ULK2: variants seen among roughly 807,000 people sequenced by gnomAD.
ULK2 encodes unc-51 like autophagy activating kinase 2, also known as serine/threonine-protein kinase ULK2.
In ULK2, 76 loss-of-function variants were observed where a neutral mutation model predicts 127.5. The observed-to-expected ratio is 0.60, with a 90% CI of 0.50 to 0.72. ULK2 has a LOEUF of 0.72. Among genes scored for constraint, ULK2 ranks in the 30% least tolerant of loss-of-function variants. The pLI, the probability that ULK2 is intolerant of heterozygous loss-of-function variation, is 0.00. For missense variants in ULK2, 1,144 were observed against 1,295.9 expected, an observed-to-expected ratio of 0.88 and a Z score of 1.80; for synonymous variants, 452 against 461.9, an observed-to-expected ratio of 0.98 and a Z score of 0.28.
chr17:19,777,232 G>C (rs897306245), intron 26 of ULK2, among the ~76,000 whole-genome samples: 3 of 152,198 alleles, frequency 2.0e-5, no homozygotes, highest in African/African-American at 7.2e-5. Flanking sequence ...AGCCTCCCGA[G>C]CAGTGGAGCT....
intron 26 of ULK2, 68 bp from the exon 27 acceptor site, chr17:19,776,475 C>A: frequency 7.3e-7 from 1 of 1,368,176 alleles, no homozygotes; most frequent in Non-Finnish European, 1.0e-6. Flanking sequence ...TCTATTCTAT[C>A]TTTGCCCCAA....
chr17:19,829,555 G>GGGGT (rs1555561155), intron 10 of ULK2, among the ~76,000 whole-genome samples: 1 of 134,704 alleles, frequency 7.4e-6, no homozygotes, highest in Non-Finnish European at 1.6e-5. Flanking sequence ...AAAAGGGGGG[G>GGGGT]GGCTGGGCAC....
chr17:19,803,895 C>T (rs1452784549), intron 15 of ULK2, among the ~76,000 whole-genome samples: 1 of 152,176 alleles, frequency 6.6e-6, no homozygotes. Context: ...GCTATTTCCT[C>T]CCTCCACTCT....
intron 13 of ULK2, among the ~76,000 whole-genome samples, chr17:19,812,829 A>T (rs1296465498): frequency 6.6e-6 from 1 of 152,194 alleles, no homozygotes; most frequent in Non-Finnish European, 1.5e-5. Flanking sequence ...GTATTTTTTT[A>T]TATAGAATTC....
intron 3 of ULK2, among the ~76,000 whole-genome samples, chr17:19,853,655 T>A (rs989112666): frequency 2.0e-5 from 3 of 151,246 alleles, no homozygotes; most frequent in Admixed American, 6.6e-5. Flanking sequence ...CACTGCAACC[T>A]CCACCTCCCG....
chr17:19,784,852 G>C (rs556884982), intron 21 of ULK2, among the ~76,000 whole-genome samples: 6 of 151,820 alleles, frequency 4.0e-5, no homozygotes, highest in South Asian at 4.2e-4. Flanking sequence ...TTAAGATATA[G>C]GTATAGTTAA....
In ULK2 at chr17:19,774,910, C is replaced by T. The variant is rs921923284; in HGVS notation, c.*1439G>A. The T allele has an allele frequency of 4.6e-5, 7 of 152,554 alleles. No individual in the cohort carries two copies. The highest frequency in any genetic ancestry group is 1.7e-4 in the African/African-American group (7 of 41,420). 9.5% of individuals were successfully genotyped at this position (152,554 alleles called of 1,614,324 possible). ...ATTAAAGACCTAAAAATACAAACGT[C>T]ATATAAATAAATGTTCAAATTAACT... On this transcript the variant is annotated 3_prime_UTR_variant, in exon 27 of 27. Transcript: ENST00000395544.
chr17:19,840,216 C>T (rs762937172), intron 9 of ULK2: 3 of 501,772 alleles, frequency 6.0e-6, no homozygotes, highest in African/African-American at 2.0e-5. Flanking sequence ...GGACACCCGA[C>T]GGGCGCAAGT....
chr17:19,803,432 T>C (rs1025871854), intron 15 of ULK2, among the ~76,000 whole-genome samples: 1 of 152,222 alleles, frequency 6.6e-6, no homozygotes, highest in East Asian at 1.9e-4. Flanking sequence ...AAGGTACCAA[T>C]AGCTTTATCC....
At position 19,845,080 on chromosome 17, in the gene ULK2, TA is replaced by T. The variant is rs2041848413; in HGVS notation, c.543+223del. On this transcript the variant is annotated intron_variant, in intron 7 of 26. Coordinates refer to ENST00000395544, the MANE Select transcript of ULK2 (RefSeq NM_014683.4). ...GATTTGTCTCATAACTAATCTTTTT[TA>T]AAAAATAAAAACAAATGGGCAAAAA... Among the ~76,000 whole-genome samples, 3 of 152,202 alleles carry T rather than the reference TA, an allele frequency of 2.0e-5. No homozygotes were observed. The South Asian group carries it at 6.2e-4, about 31-fold the overall frequency.
At chr17:19,783,517 T>C (rs2086963394) in intron 22 of ULK2, among the ~76,000 whole-genome samples, 180 bp downstream of exon 22, 1 of 152,208 alleles carries the variant, frequency 6.6e-6, no homozygotes, top group African/African-American at 2.4e-5. Flanking sequence ...AAGCTTATTA[T>C]GGATGAGTGT....
intron 11 of ULK2, 27 bp from the exon 12 acceptor site, chr17:19,825,209 C>T (rs961634663): frequency 5.0e-6 from 8 of 1,599,856 alleles, no homozygotes; most frequent in Non-Finnish European, 6.9e-6. Flanking sequence ...AAATGAACTA[C>T]ATCATTTTGT....
At chr17:19,809,733 A>G (rs191810537) in intron 14 of ULK2, among the ~76,000 whole-genome samples, 252 of 4,330 alleles carry the variant, frequency 0.058, 2 homozygotes, top group Non-Finnish European at 0.079. Flanking sequence ...ACTCCGTCTC[A>G]AAAAAAAAAA....
At chr17:19,838,718 T>A in intron 9 of ULK2, 135 bp from the exon 10 acceptor site, 1 of 701,126 alleles carries the variant, frequency 1.4e-6, no homozygotes, top group Non-Finnish European at 2.3e-6. Flanking sequence ...ACGAAGACCA[T>A]GTAAGAGTCA....
Position 19,825,910 on chromosome 17 carries a change from C to T in ULK2, c.835+229G>A, listed in dbSNP as rs560352911. ...CTGAGGCAGGAGAATGGCTTGAACC[C>T]GGGAGGTGGAGGTTGCTGTGAGCCG... On this transcript the variant is annotated intron_variant, in intron 11 of 26. Coordinates refer to ENST00000395544, the MANE Select transcript of ULK2 (RefSeq NM_014683.4). Among the ~76,000 whole-genome samples the T allele has an allele frequency of 2.0e-3, 296 of 150,262 alleles. 1 individual carries two copies. The highest frequency in any genetic ancestry group is 3.6e-3 in the Non-Finnish European group (247 of 67,698).
chr17:19,837,234 A>C (rs1197409438), intron 10 of ULK2, among the ~76,000 whole-genome samples: 1 of 152,110 alleles, frequency 6.6e-6, no homozygotes, highest in Non-Finnish European at 1.5e-5. Context: ...CCTGGGCAAC[A>C]TGACGAAACC....
chr17:19,788,377 A>G (rs911648537), intron 20 of ULK2, among the ~76,000 whole-genome samples: 2 of 151,824 alleles, frequency 1.3e-5, no homozygotes, highest in Non-Finnish European at 1.5e-5. Context: ...TACTAGGCTC[A>G]GCCACAGTAG....
chr17:19,796,416 G>T, intron 18 of ULK2, 134 bp from the exon 19 acceptor site: 2 of 825,976 alleles, frequency 2.4e-6, no homozygotes, highest in African/African-American at 1.8e-5. Flanking sequence ...AAAAATTGTA[G>T]AAAGATGCAA....
chr17:19,834,925 GAGAAACACAC>G (rs1440369512), intron 10 of ULK2, among the ~76,000 whole-genome samples: 7 of 148,592 alleles, frequency 4.7e-5, no homozygotes, highest in African/African-American at 1.7e-4. Context: ...AAAAAAAAAA[GAGAAACACAC>G]AAAAAGACGC....
Sources: gnomAD v4.1 joint callset for allele counts (sites outside exome capture counted in the v4.1 genomes callset) on GRCh38, gnomAD v4.1.1 for gene constraint, MANE v1.5 for transcripts, NCBI Gene and HGNC (gene_info 2026-07-23, HGNC 2026-07-21) for gene names.